Variants in CDK8 observed in about 807,000 individuals in gnomAD.
CDK8 encodes cyclin-dependent kinase 8.
CDK8 carries 29 observed loss-of-function variants against 71.5 expected under a neutral mutation model. The observed-to-expected ratio is 0.41, with a 90% CI of 0.30 to 0.55. The LOEUF (loss-of-function observed/expected upper bound fraction) is 0.55. Among genes scored for constraint, CDK8 ranks in the 20% least tolerant of loss-of-function variants. The pLI is 0.37. For missense variants in CDK8, 288 were observed against 572.6 expected, an observed-to-expected ratio of 0.50 and a Z score of 5.07; for synonymous variants, 161 against 192.1, an observed-to-expected ratio of 0.84 and a Z score of 1.34.
intron 1 of CDK8, among the ~76,000 whole-genome samples, chr13:26,315,276 G>A (rs766660049): frequency 2.0e-5 from 3 of 152,124 alleles, no homozygotes; most frequent in Non-Finnish European, 4.4e-5. Flanking sequence ...GAAACTTTAG[G>A]TAGTGTTTTG....
chr13:26,293,892 T>C (rs940387206), intron 1 of CDK8, among the ~76,000 whole-genome samples: 2 of 152,072 alleles, frequency 1.3e-5, no homozygotes, highest in Non-Finnish European at 2.9e-5. Flanking sequence ...TAATTGAAAT[T>C]TGGTATACTT....
chr13:26,306,238 T>C (rs1239369244), intron 1 of CDK8, among the ~76,000 whole-genome samples: 9 of 152,214 alleles, frequency 5.9e-5, no homozygotes, highest in Admixed American at 4.6e-4. Flanking sequence ...TTGCATCCTT[T>C]CCTGTATCTT....
chr13:26,403,276 G>A lies in CDK8; in HGVS notation c.1270-680G>A, dbSNP rs150743318. On this transcript the variant is annotated intron_variant, in intron 12 of 12. Transcript: ENST00000381527. ...CGTAATCCCAGTGGTTTAGAAGGCTGAGGGGAAGGATCACTTGAGGCCTGG... is the reference window on the plus strand; with the variant it reads ...CGTAATCCCAGTGGTTTAGAAGGCTAAGGGGAAGGATCACTTGAGGCCTGG... 7.6e-4 allele frequency among the ~76,000 whole-genome samples: 116 copies of A among 152,274 alleles called. 2 individuals carry two copies. The highest frequency in any genetic ancestry group is 1.3e-3 in the Non-Finnish European group (88 of 68,014).
intron 4 of CDK8, among the ~76,000 whole-genome samples, chr13:26,378,056 C>T (rs1210943935): frequency 6.6e-6 from 1 of 152,200 alleles, no homozygotes; most frequent in Non-Finnish European, 1.5e-5. Flanking sequence ...GACTCAAAAT[C>T]TCCAATTTGC....
intron 6 of CDK8, 96 bp downstream of exon 6, chr13:26,385,438 A>G: frequency 9.4e-7 from 1 of 1,058,346 alleles, no homozygotes. Flanking sequence ...ATAGCAAATT[A>G]TAAAAGTAAG....
chr13:26,343,753 A>G (rs1167569262), intron 2 of CDK8, among the ~76,000 whole-genome samples: 5 of 152,158 alleles, frequency 3.3e-5, no homozygotes, highest in Admixed American at 1.3e-4. Context: ...TACTTTCTTC[A>G]ATTAACCTTA....
chr13:26,263,447 A>G (rs372664756), intron 1 of CDK8, among the ~76,000 whole-genome samples: 3 of 120,132 alleles, frequency 2.5e-5, no homozygotes, highest in South Asian at 5.2e-4. Context: ...AGTAGGTATT[A>G]CCTTTTTTTT....
At chr13:26,255,451 C>A (rs914202484) in intron 1 of CDK8, among the ~76,000 whole-genome samples, 2 of 152,182 alleles carry the variant, frequency 1.3e-5, no homozygotes, top group Non-Finnish European at 2.9e-5. Context: ...CCAAATTTAG[C>A]GGCTGGCAGT....
At chr13:26,361,678 G>T (rs989277193) in intron 4 of CDK8, among the ~76,000 whole-genome samples, 3 of 151,370 alleles carry the variant, frequency 2.0e-5, no homozygotes, top group Admixed American at 2.0e-4. Context: ...TATAAGTCAC[G>T]CCATTGTAAG....
At position 26,347,406 on chromosome 13, in the gene CDK8, G is replaced by A. The variant is rs543720478; in HGVS notation, c.205-1666G>A. Among the ~76,000 whole-genome samples the A allele has an allele frequency of 4.5e-4, 69 of 152,236 alleles. 1 individual carries two copies. The highest frequency in any genetic ancestry group is 1.6e-3 in the African/African-American group (68 of 41,538). ...GTTAATGAATGTTGCATCTTCTAATGTTGCAAATATTCTTTGATATTTTCT... is the reference window on the plus strand; with the variant it reads ...GTTAATGAATGTTGCATCTTCTAATATTGCAAATATTCTTTGATATTTTCT... On this transcript the variant is annotated intron_variant, in intron 2 of 12. Coordinates refer to ENST00000381527, the MANE Select transcript of CDK8 (RefSeq NM_001260.3).
At chr13:26,400,156 A>G (rs750323298) in intron 9 of CDK8, 1 of 264,916 alleles carries the variant, frequency 3.8e-6, no homozygotes, top group Non-Finnish European at 7.1e-6. Context: ...AAAATACACA[A>G]ATTTTGGTCC....
At chr13:26,280,022 A>C (rs1872682797) in intron 1 of CDK8, among the ~76,000 whole-genome samples, 1 of 152,066 alleles carries the variant, frequency 6.6e-6, no homozygotes, top group African/African-American at 2.4e-5. Flanking sequence ...AATGTTAACA[A>C]TATAGATGAA....
At chr13:26,377,844 G>C (rs948424553) in intron 4 of CDK8, among the ~76,000 whole-genome samples, 5 of 152,176 alleles carry the variant, frequency 3.3e-5, no homozygotes, top group African/African-American at 9.7e-5. Context: ...TGAAATGTGA[G>C]ATATGTGTCA....
intron 6 of CDK8, among the ~76,000 whole-genome samples, chr13:26,391,952 CT>C (rs1305840530): frequency 6.6e-6 from 1 of 151,956 alleles, no homozygotes; most frequent in Non-Finnish European, 1.5e-5. Flanking sequence ...TTCTTATTTC[CT>C]GTTTAAGTGA....
intron 2 of CDK8, among the ~76,000 whole-genome samples, chr13:26,340,667 T>G (rs1299975432): frequency 6.6e-6 from 1 of 152,204 alleles, no homozygotes; most frequent in Non-Finnish European, 1.5e-5. Context: ...CCATTAACTC[T>G]CTATGATTAC....
At chr13:26,282,052 C>T (rs9581617) in intron 1 of CDK8, among the ~76,000 whole-genome samples, 4,333 of 151,774 alleles carry the variant, frequency 0.029, 197 homozygotes, top group African/African-American at 0.099. Context: ...ACAAAGCCTC[C>T]ACAAAGTTTG....
At chr13:26,402,363 T>C (rs1174284146) in intron 12 of CDK8, among the ~76,000 whole-genome samples, 2 of 152,180 alleles carry the variant, frequency 1.3e-5, no homozygotes, top group Non-Finnish European at 2.9e-5. Context: ...GAAAATTGTA[T>C]ACCACCTCCT....
intron 7 of CDK8, among the ~76,000 whole-genome samples, chr13:26,394,147 C>T (rs1875880908): frequency 6.6e-6 from 1 of 152,072 alleles, no homozygotes; most frequent in Non-Finnish European, 1.5e-5. Context: ...ACGGTAATCA[C>T]CAAAAACTGC....
At chr13:26,391,946 T>G (rs1875764954) in intron 6 of CDK8, among the ~76,000 whole-genome samples, 1 of 152,240 alleles carries the variant, frequency 6.6e-6, no homozygotes, top group Admixed American at 6.5e-5. Context: ...GGTTTTTTCT[T>G]ATTTCCTGTT....
Sources: allele counts gnomAD v4.1 joint callset (sites outside exome capture counted in the v4.1 genomes callset), GRCh38; gene constraint gnomAD v4.1.1; transcripts MANE v1.5; gene names NCBI Gene and HGNC (gene_info 2026-07-23, HGNC 2026-07-21).